The following LUZP2 variants were observed in gnomAD, a reference collection of about 807,000 sequenced individuals.
The protein encoded by LUZP2 is leucine zipper protein 2.
Under a neutral mutation model 51.6 loss-of-function variants are expected in LUZP2, and 52 were observed. The observed-to-expected ratio is 1.01, with a 90% CI of 0.81 to 1.27. LUZP2 has a LOEUF of 1.27. LUZP2 is among the 50% of genes most tolerant of loss of function. LUZP2 has a pLI of 0.00. For missense variants in LUZP2, 436 were observed against 395.4 expected, an observed-to-expected ratio of 1.10 and a Z score of -0.87; for synonymous variants, 154 against 137.3, an observed-to-expected ratio of 1.12 and a Z score of -0.85.
At chr11:24,922,479 A>G (rs941455449) in intron 7 of LUZP2, among the ~76,000 whole-genome samples, 1 of 152,212 alleles carries the variant, frequency 6.6e-6, no homozygotes, top group Non-Finnish European at 1.5e-5. Context: ...CATCTGTCTC[A>G]TTAATTTAAA....
chr11:24,646,692 A>G, intron 1 of LUZP2: 1 of 680,330 alleles, frequency 1.5e-6, no homozygotes, highest in Non-Finnish European at 1.8e-6. Flanking sequence ...ACTGTTGCTG[A>G]TGTCTCATTG....
chr11:24,654,092 A>T (rs1429210014), intron 1 of LUZP2, among the ~76,000 whole-genome samples: 1 of 152,192 alleles, frequency 6.6e-6, no homozygotes, highest in African/African-American at 2.4e-5. Context: ...GTTGAGCAAA[A>T]TGTAGAAAGA....
At chr11:24,924,867 T>C (rs1027621305) in intron 7 of LUZP2, among the ~76,000 whole-genome samples, 2 of 152,118 alleles carry the variant, frequency 1.3e-5, no homozygotes, top group Non-Finnish European at 2.9e-5. Context: ...TCAGTGTCAA[T>C]GTTAAGATAA....
rs138558540 is a variant in LUZP2, at chr11:24,530,868, G to T, written c.62+33563G>T. ...GGCTGGCTTCTCTTGTTTCATTGCT[G>T]GTTCCTCGTTTTCCATTTGGTCTTT... On this transcript the variant is annotated intron_variant, in intron 1 of 11. Transcript: ENST00000336930. 2.1e-3 allele frequency among the ~76,000 whole-genome samples: 287 copies of T among 137,472 alleles called. 2 individuals carry two copies. The East Asian group carries it at 0.03, about 14-fold the overall frequency. 90.2% of individuals were successfully genotyped at this position (137,472 alleles called of 152,430 possible). A position where few individuals can be genotyped will look rare whatever the true frequency, so the allele number is the denominator to read the frequency against.
intron 5 of LUZP2, among the ~76,000 whole-genome samples, chr11:24,856,036 TC>T (rs750299185): frequency 6.6e-5 from 10 of 152,064 alleles, no homozygotes; most frequent in Non-Finnish European, 1.5e-4. Context: ...CCTTTGGACA[TC>T]AGTGTAAGCA....
chr11:24,673,943 A>T (rs533216451), intron 1 of LUZP2, among the ~76,000 whole-genome samples: 17 of 152,268 alleles, frequency 1.1e-4, no homozygotes, highest in African/African-American at 3.8e-4. Context: ...TTGCCATTGA[A>T]CTTCAAATTG....
At chr11:24,579,772 C>A (rs181126332) in intron 1 of LUZP2, among the ~76,000 whole-genome samples, 7 of 152,092 alleles carry the variant, frequency 4.6e-5, no homozygotes, top group Admixed American at 2.6e-4. Flanking sequence ...ACATTGCAAA[C>A]CTTAAAAAAT....
intron 1 of LUZP2, among the ~76,000 whole-genome samples, chr11:24,593,745 T>A (rs1565014111): frequency 1.3e-5 from 2 of 152,176 alleles, no homozygotes; most frequent in Non-Finnish European, 2.9e-5. Flanking sequence ...GGCTTTTTAT[T>A]ACCTAAATTT....
At chr11:24,724,925 C>T (rs1419592967) in intron 1 of LUZP2, among the ~76,000 whole-genome samples, 1 of 151,952 alleles carries the variant, frequency 6.6e-6, no homozygotes, top group East Asian at 1.9e-4. Context: ...AGCAATAAGT[C>T]TAACAAAAAA....
At chr11:24,943,900 A>T (rs946127962) in intron 7 of LUZP2, among the ~76,000 whole-genome samples, 4 of 149,696 alleles carry the variant, frequency 2.7e-5, no homozygotes, top group African/African-American at 4.9e-5. Flanking sequence ...AAAAAAAATC[A>T]TTAAGTGCCA....
chr11:24,898,836 A>G (rs991352590), intron 5 of LUZP2, among the ~76,000 whole-genome samples: 3 of 152,178 alleles, frequency 2.0e-5, no homozygotes, highest in East Asian at 1.9e-4. Flanking sequence ...TGGAAAGAGT[A>G]GGTGGCAAAT....
chr11:24,787,894 G>A (rs11028175), intron 5 of LUZP2, among the ~76,000 whole-genome samples: 14,544 of 152,106 alleles, frequency 0.096, 945 homozygotes, highest in East Asian at 0.4. Context: ...TTGAGTCACT[G>A]GGACTACAGG....
intron 8 of LUZP2, among the ~76,000 whole-genome samples, chr11:24,978,406 G>A (rs117797865): frequency 0.018 from 2,799 of 151,762 alleles, 41 homozygotes; most frequent in South Asian, 0.083. Flanking sequence ...CTGTACAGTC[G>A]CTGCAATATT....
chr11:24,646,625 T>C, intron 1 of LUZP2: 2 of 982,476 alleles, frequency 2.0e-6, no homozygotes, highest in Non-Finnish European at 1.2e-6. Context: ...TATCAATGAT[T>C]TTCATTCATT....
intron 9 of LUZP2, among the ~76,000 whole-genome samples, chr11:25,025,227 T>C (rs1175348963): frequency 6.6e-6 from 1 of 152,024 alleles, no homozygotes; most frequent in Non-Finnish European, 1.5e-5. Context: ...ATTCAGGTCA[T>C]AGGCATAGGC....
At chr11:24,978,894 G>T (rs1287411289) in intron 8 of LUZP2, among the ~76,000 whole-genome samples, 1 of 151,624 alleles carries the variant, frequency 6.6e-6, no homozygotes, top group African/African-American at 2.4e-5. Flanking sequence ...CCCATTCAAT[G>T]CTCTTCTCCT....
intron 1 of LUZP2, among the ~76,000 whole-genome samples, chr11:24,578,931 T>G (rs935276071): frequency 1.3e-5 from 2 of 152,074 alleles, no homozygotes; most frequent in African/African-American, 4.8e-5. Flanking sequence ...AAATAAAAGT[T>G]GACATTATTT....
At chr11:24,860,450 C>A (rs1464111256) in intron 5 of LUZP2, among the ~76,000 whole-genome samples, 1 of 152,090 alleles carries the variant, frequency 6.6e-6, no homozygotes, top group Admixed American at 6.5e-5. Flanking sequence ...GGACAAAGTG[C>A]TTCATTAAAT....
At chr11:24,558,212 C>T (rs1851929311) in intron 1 of LUZP2, among the ~76,000 whole-genome samples, 1 of 152,040 alleles carries the variant, frequency 6.6e-6, no homozygotes, top group Non-Finnish European at 1.5e-5. Flanking sequence ...GGGATTTCAG[C>T]TTTAGACTGA....
Sources: allele counts gnomAD v4.1 joint callset (sites outside exome capture counted in the v4.1 genomes callset), GRCh38; gene constraint gnomAD v4.1.1; transcripts MANE v1.5; gene names NCBI Gene and HGNC (gene_info 2026-07-23, HGNC 2026-07-21).